Variants in SLC24A3 observed in about 807,000 individuals in gnomAD.
SLC24A3 encodes the protein sodium/potassium/calcium exchanger 3.
Under a neutral mutation model 75.8 loss-of-function variants are expected in SLC24A3, and 28 were observed. The ratio of observed to expected loss-of-function variants is 0.37; its 90% confidence interval spans 0.27 to 0.51. The LOEUF is 0.51. Among genes scored for constraint, SLC24A3 ranks in the 20% least tolerant of loss-of-function variants. The pLI, the probability that SLC24A3 is intolerant of heterozygous loss-of-function variation, is 0.94. For missense variants in SLC24A3, 663 were observed against 847.8 expected, an observed-to-expected ratio of 0.78 and a Z score of 2.71; for synonymous variants, 372 against 334.1, an observed-to-expected ratio of 1.11 and a Z score of -1.24.
intron 3 of SLC24A3, among the ~76,000 whole-genome samples, chr20:19,573,048 A>T: frequency 6.6e-6 from 1 of 152,188 alleles, no homozygotes; most frequent in East Asian, 1.9e-4. Flanking sequence ...GTTCTGTAGC[A>T]CTTCCCTAAG....
intron 2 of SLC24A3, among the ~76,000 whole-genome samples, chr20:19,339,267 G>A (rs1985212571): frequency 6.6e-6 from 1 of 152,134 alleles, no homozygotes; most frequent in Admixed American, 6.5e-5. Context: ...TTGAGTGGAG[G>A]GCAGTTATTT....
chr20:19,259,201 C>A (rs1333360936), intron 1 of SLC24A3, among the ~76,000 whole-genome samples: 1 of 152,156 alleles, frequency 6.6e-6, no homozygotes, highest in Admixed American at 6.5e-5. Context: ...AGTCACACTG[C>A]AGGTCTAAGA....
At chr20:19,353,297 A>C (rs1985612214) in intron 2 of SLC24A3, among the ~76,000 whole-genome samples, 1 of 152,218 alleles carries the variant, frequency 6.6e-6, no homozygotes, top group Non-Finnish European at 1.5e-5. Context: ...CAGTAGATTC[A>C]AATCACCAGT....
At chr20:19,220,205 AGTAATC>A (rs1459154384) in intron 1 of SLC24A3, among the ~76,000 whole-genome samples, 4 of 152,230 alleles carry the variant, frequency 2.6e-5, no homozygotes, top group Non-Finnish European at 5.9e-5. Flanking sequence ...CATGAAATCT[AGTAATC>A]GTTTTTGGCT....
chr20:19,254,111 C>T (rs958624915), intron 1 of SLC24A3, among the ~76,000 whole-genome samples: 8 of 152,178 alleles, frequency 5.3e-5, no homozygotes, highest in African/African-American at 1.9e-4. Flanking sequence ...TTTTTTATGA[C>T]ATTGTATGAG....
intron 6 of SLC24A3, among the ~76,000 whole-genome samples, chr20:19,651,134 C>T (rs981437237): frequency 1.3e-5 from 2 of 151,998 alleles, no homozygotes; most frequent in Admixed American, 1.3e-4. Context: ...GTAACAAGTG[C>T]TTTACTCCCT....
intron 6 of SLC24A3, among the ~76,000 whole-genome samples, chr20:19,614,489 T>C (rs1385435895): frequency 1.3e-5 from 2 of 152,206 alleles, no homozygotes; most frequent in African/African-American, 4.8e-5. Context: ...TTGATTCTCC[T>C]TCCTCCAGAT....
chr20:19,304,752 T>C (rs1247243821), intron 2 of SLC24A3, among the ~76,000 whole-genome samples: 1 of 152,110 alleles, frequency 6.6e-6, no homozygotes, highest in Non-Finnish European at 1.5e-5. Flanking sequence ...AAAATGCTGA[T>C]TACCAACAAA....
chr20:19,671,550 G>C (rs1375296237), intron 8 of SLC24A3, among the ~76,000 whole-genome samples: 2 of 152,214 alleles, frequency 1.3e-5, no homozygotes, highest in African/African-American at 4.8e-5. Context: ...GTGAGGAAAA[G>C]GGAGTGCTCC....
At chr20:19,689,121 A>G (rs1215789076) in intron 12 of SLC24A3, among the ~76,000 whole-genome samples, 1 of 152,218 alleles carries the variant, frequency 6.6e-6, no homozygotes, top group Non-Finnish European at 1.5e-5. Flanking sequence ...ACACATTTCC[A>G]TGGGAAAGAA....
chr20:19,233,796 A>G (rs1029308300), intron 1 of SLC24A3, among the ~76,000 whole-genome samples: 3 of 152,250 alleles, frequency 2.0e-5, no homozygotes, highest in African/African-American at 7.2e-5. Context: ...AGTGCTGGAC[A>G]GTGACTCTAG....
At chr20:19,319,464 C>T (rs1039283199) in intron 2 of SLC24A3, among the ~76,000 whole-genome samples, 13 of 152,226 alleles carry the variant, frequency 8.5e-5, no homozygotes, top group African/African-American at 3.1e-4. Flanking sequence ...CACAGTCAGC[C>T]CTGCCTCATG....
intron 1 of SLC24A3, among the ~76,000 whole-genome samples, chr20:19,275,484 G>T (rs952627449): frequency 6.6e-6 from 1 of 152,212 alleles, no homozygotes; most frequent in Non-Finnish European, 1.5e-5. Flanking sequence ...TGGGGCTAGT[G>T]TTTGGGAAGG....
chr20:19,640,502 C>T (rs889615239), intron 6 of SLC24A3, among the ~76,000 whole-genome samples: 2 of 152,204 alleles, frequency 1.3e-5, no homozygotes, highest in East Asian at 3.9e-4. Context: ...GTAATCCTAG[C>T]ACTTTGGGAG....
At chr20:19,603,845 C>T (rs909581638) in intron 6 of SLC24A3, among the ~76,000 whole-genome samples, 2 of 152,142 alleles carry the variant, frequency 1.3e-5, no homozygotes, top group Admixed American at 6.5e-5. Context: ...TGGTGCACAC[C>T]GAGCTGGTGC....
chr20:19,437,603 G>A (rs1261700814), intron 2 of SLC24A3, among the ~76,000 whole-genome samples: 1 of 152,174 alleles, frequency 6.6e-6, no homozygotes, highest in African/African-American at 2.4e-5. Flanking sequence ...TGAGGAGGTG[G>A]GAAGAAGGCT....
chr20:19,693,419 G>A lies in SLC24A3; in HGVS notation c.1485G>A (p.Val495=), dbSNP rs553510693. Residue 495 remains valine, a synonymous_variant, in exon 13 of 17, where the codon GTG becomes GTA. Transcript: ENST00000328041. ...TCGCAGCCTTCTCCTACATGATGGT[G>A]TGGATGGTGAGTGCAATCGGGACCC... is the stretch of plus-strand genomic sequence containing the variant. ...LWIAAFSYMM[V]WMVTIIGYTL... 1 of 1,613,986 alleles carries A rather than the reference G, an allele frequency of 6.2e-7. No individual in the cohort carries two copies. The highest frequency in any genetic ancestry group is 1.1e-5 in the South Asian group (1 of 91,068).
At chr20:19,593,739 T>A (rs1257529623) in intron 6 of SLC24A3, among the ~76,000 whole-genome samples, 3 of 152,032 alleles carry the variant, frequency 2.0e-5, no homozygotes, top group African/African-American at 7.2e-5. Flanking sequence ...ACCCTAAAGC[T>A]CCCTCCACAG....
rs575797166 is a variant in SLC24A3, at chr20:19,489,397, G to T, written c.272-26091G>T. Among the ~76,000 whole-genome samples, 979 of 152,224 alleles carry T rather than the reference G, an allele frequency of 6.4e-3. 6 individuals carry two copies. The highest frequency in any genetic ancestry group is 0.011 in the Non-Finnish European group (761 of 68,020). ...TATTTTATTTTAATTAACATTGCAGGTTAAAGCAGCACATGACTCAAAAGT... is the reference window on the plus strand; with the variant it reads ...TATTTTATTTTAATTAACATTGCAGTTTAAAGCAGCACATGACTCAAAAGT... On this transcript the variant is annotated intron_variant, in intron 2 of 16. Coordinates refer to ENST00000328041, the MANE Select transcript of SLC24A3 (RefSeq NM_020689.4).
Sources: allele counts gnomAD v4.1 joint callset (sites outside exome capture counted in the v4.1 genomes callset), GRCh38; gene constraint gnomAD v4.1.1; transcripts MANE v1.5; gene names NCBI Gene and HGNC (gene_info 2026-07-23, HGNC 2026-07-21).